Variants in CHSY3 observed in about 807,000 individuals in gnomAD.
CHSY3 encodes the protein N-acetylgalactosaminyl-proteoglycan 3-beta-glucuronosyltransferase 3.
A neutral mutation model predicts 67.2 loss-of-function variants in CHSY3; 35 were observed. That is an observed-to-expected ratio of 0.52 (90% CI 0.40 to 0.69). The LOEUF (loss-of-function observed/expected upper bound fraction) is 0.69, where lower values mean the gene tolerates loss of function less well. Among genes scored for constraint, CHSY3 ranks in the 30% least tolerant of loss-of-function variants. CHSY3 has a pLI of 0.00. For missense variants in CHSY3, 1,069 were observed against 1,138.5 expected (o/e 0.94, Z 0.88); for synonymous variants, 474 against 434.7 (o/e 1.09, Z -1.12).
rs551178741 is a variant in CHSY3, at chr5:130,175,673, A to ACTGAACCCATTACTGAGTTCAGAGGTCT, written c.1087-8555_1087-8554insTGAACCCATTACTGAGTTCAGAGGTCTC. 3.9e-3 allele frequency among the ~76,000 whole-genome samples: 601 copies of ACTGAACCCATTACTGAGTTCAGAGGTCT among 152,308 alleles called. 6 individuals are homozygous for ACTGAACCCATTACTGAGTTCAGAGGTCT. Among genetic ancestry groups the ACTGAACCCATTACTGAGTTCAGAGGTCT allele is most frequent in the African/African-American group, 0.013 (533 of 41,564 alleles). On this transcript the variant is annotated intron_variant, in intron 2 of 2. Coordinates refer to ENST00000305031, the MANE Select transcript of CHSY3 (RefSeq NM_175856.5). Reference sequence around the variant, plus strand: ...CAAAACAGATATATAGACCAATGGAACAGAATAGAGGCCTCAGAAACAATG... The same window carrying ACTGAACCCATTACTGAGTTCAGAGGTCT: ...CAAAACAGATATATAGACCAATGGAACTGAACCCATTACTGAGTTCAGAGGTCTCAGAATAGAGGCCTCAGAAACAATG...
chr5:130,044,384 G>A (rs1249383526), intron 2 of CHSY3, among the ~76,000 whole-genome samples: 1 of 152,070 alleles, frequency 6.6e-6, no homozygotes, highest in Admixed American at 6.6e-5. Context: ...GGTTTTGTAG[G>A]TGAATTTGGT....
chr5:129,967,124 T>C (rs1405489924), intron 2 of CHSY3, among the ~76,000 whole-genome samples: 1 of 151,842 alleles, frequency 6.6e-6, no homozygotes, highest in East Asian at 1.9e-4. Context: ...CTGGCTTCAG[T>C]ATCTTCATAA....
At chr5:129,915,745 A>G (rs992443208) in intron 2 of CHSY3, among the ~76,000 whole-genome samples, 1 of 152,204 alleles carries the variant, frequency 6.6e-6, no homozygotes. Context: ...TAGATACTTT[A>G]TAGTAAAATA....
At chr5:130,147,463 A>G (rs200127791) in intron 2 of CHSY3, among the ~76,000 whole-genome samples, 1 of 152,224 alleles carries the variant, frequency 6.6e-6, no homozygotes, top group Non-Finnish European at 1.5e-5. Context: ...GCTTAACATT[A>G]TCAGAAAATG....
chr5:129,957,933 A>C (rs180693102), intron 2 of CHSY3, among the ~76,000 whole-genome samples: 1 of 151,874 alleles, frequency 6.6e-6, no homozygotes, highest in Non-Finnish European at 1.5e-5. Context: ...CCAATTGGCC[A>C]TATCTGTAAC....
intron 2 of CHSY3, among the ~76,000 whole-genome samples, chr5:130,076,780 T>A (rs2149684539): frequency 6.6e-6 from 1 of 152,116 alleles, no homozygotes; most frequent in African/African-American, 2.4e-5. Context: ...TTCATTGGAG[T>A]TAAAAGACTT....
intron 2 of CHSY3, among the ~76,000 whole-genome samples, chr5:130,105,145 G>C (rs1580737568): frequency 6.6e-6 from 1 of 151,484 alleles, no homozygotes; most frequent in African/African-American, 2.4e-5. Context: ...TGAGATGAAG[G>C]CAGTGTCACC....
chr5:130,029,904 T>C (rs963941801), intron 2 of CHSY3, among the ~76,000 whole-genome samples: 11 of 152,120 alleles, frequency 7.2e-5, no homozygotes, highest in Non-Finnish European at 4.4e-5. Flanking sequence ...TTCAACAACA[T>C]GTCAAATTGT....
intron 2 of CHSY3, among the ~76,000 whole-genome samples, chr5:130,015,240 A>C (rs967409634): frequency 6.6e-6 from 1 of 152,082 alleles, no homozygotes; most frequent in Non-Finnish European, 1.5e-5. Context: ...GCCATGACTA[A>C]AAGTTTCCTG....
intron 2 of CHSY3, among the ~76,000 whole-genome samples, chr5:130,004,036 G>T (rs1763806101): frequency 6.6e-6 from 1 of 152,032 alleles, no homozygotes. Flanking sequence ...AAAATCTCTG[G>T]AAAATGTTCT....
chr5:130,139,894 G>A (rs76003105), intron 2 of CHSY3: 6,895 of 152,238 alleles, frequency 0.045, 429 homozygotes, highest in East Asian at 0.27. Flanking sequence ...CTACAGCTAA[G>A]TTTGGCTATC....
chr5:130,090,564 T>G (rs1766845425), intron 2 of CHSY3, among the ~76,000 whole-genome samples: 1 of 152,188 alleles, frequency 6.6e-6, no homozygotes, highest in Non-Finnish European at 1.5e-5. Context: ...ACACTCCAGG[T>G]GGGCTCCTGA....
chr5:130,068,326 A>AT (rs1264453716), intron 2 of CHSY3, among the ~76,000 whole-genome samples: 1 of 152,094 alleles, frequency 6.6e-6, no homozygotes, highest in Non-Finnish European at 1.5e-5. Context: ...TTACCAAAGC[A>AT]TCCCTCTGCT....
At chr5:130,010,016 C>T (rs565380528) in intron 2 of CHSY3, among the ~76,000 whole-genome samples, 1 of 152,220 alleles carries the variant, frequency 6.6e-6, no homozygotes, top group Admixed American at 6.5e-5. Context: ...TAAGAGACTT[C>T]TATAACCACA....
chr5:130,060,530 T>C (rs1765677696), intron 2 of CHSY3, among the ~76,000 whole-genome samples: 1 of 152,120 alleles, frequency 6.6e-6, no homozygotes, highest in East Asian at 1.9e-4. Context: ...TCTTAGCTCT[T>C]TCATTCAACA....
At chr5:130,028,856 T>C (rs2149658641) in intron 2 of CHSY3, among the ~76,000 whole-genome samples, 1 of 152,208 alleles carries the variant, frequency 6.6e-6, no homozygotes, top group East Asian at 1.9e-4. Context: ...TATCATTCTC[T>C]TGCTGCCTCT....
At chr5:130,112,790 G>A (rs549544961) in intron 2 of CHSY3, among the ~76,000 whole-genome samples, 4 of 152,058 alleles carry the variant, frequency 2.6e-5, no homozygotes, top group South Asian at 4.1e-4. Context: ...AAGCAAAAAG[G>A]CAATGAAAGA....
At chr5:129,972,623 G>A (rs1762676316) in intron 2 of CHSY3, among the ~76,000 whole-genome samples, 1 of 151,766 alleles carries the variant, frequency 6.6e-6, no homozygotes, top group Non-Finnish European at 1.5e-5. Context: ...GTGTGTATGT[G>A]TGTGTGGTCT....
intron 2 of CHSY3, among the ~76,000 whole-genome samples, chr5:130,162,958 T>C (rs538373668): frequency 6.6e-6 from 1 of 152,100 alleles, no homozygotes; most frequent in Non-Finnish European, 1.5e-5. Flanking sequence ...CCAAGTTTAT[T>C]TGTCACCAAA....
Sources: allele counts gnomAD v4.1 joint callset (sites outside exome capture counted in the v4.1 genomes callset), GRCh38; gene constraint gnomAD v4.1.1; transcripts MANE v1.5; gene names NCBI Gene and HGNC (gene_info 2026-07-23, HGNC 2026-07-21).